The following PDE5A variants were observed in gnomAD, a reference collection of about 807,000 sequenced individuals.
PDE5A encodes the protein phosphodiesterase 5A.
A neutral mutation model predicts 110.2 loss-of-function variants in PDE5A; 67 were observed. The ratio of observed to expected loss-of-function variants is 0.61; its 90% confidence interval spans 0.50 to 0.75. The LOEUF (loss-of-function observed/expected upper bound fraction) is 0.75. PDE5A is among the 30% of genes least tolerant of loss of function. PDE5A has a pLI of 0.00. For synonymous variants in PDE5A, 328 were observed against 351.2 expected, an observed-to-expected ratio of 0.93 and a Z score of 0.74; for missense variants, 862 against 1,045.1, an observed-to-expected ratio of 0.82 and a Z score of 2.42.
At chr4:119,504,256 A>C (rs1032120203) in intron 18 of PDE5A, among the ~76,000 whole-genome samples, 1 of 152,046 alleles carries the variant, frequency 6.6e-6, no homozygotes, top group Non-Finnish European at 1.5e-5. Context: ...TCCAGCTCCA[A>C]TCATGTTGCT....
At chr4:119,553,563 T>G (rs1560612934) in intron 8 of PDE5A, 75 bp downstream of exon 8, 1 of 794,698 alleles carries the variant, frequency 1.3e-6, no homozygotes, top group Non-Finnish European at 2.3e-6. Context: ...AGTCCTTCAG[T>G]TCAAGAATAA....
rs766383291 is a variant in PDE5A, at chr4:119,606,825, C to T, written c.625G>A (p.Glu209Lys). The change falls in exon 2 of 21, where the codon GAA (glutamate) becomes AAA (lysine). Residue 209 changes from glutamate (E) to lysine (K), a missense_variant. By Grantham distance (56) the Glu-to-Lys change is moderately conservative. Transcript: ENST00000354960. ...GAAACTTCTTCCAGTGTTGAACCTT[C>T]AGCAACATCAAAGAGGCGGCTGATA... ...FLISRLFDVA[E>K]GSTLEEVSNN... 5 of 1,614,194 alleles carry T rather than the reference C, an allele frequency of 3.1e-6. No individual in the cohort carries two copies. Among genetic ancestry groups the T allele is most frequent in the Non-Finnish European group, 4.2e-6 (5 of 1,180,046 alleles).
intron 11 of PDE5A, among the ~76,000 whole-genome samples, chr4:119,533,303 C>T (rs1726610410): frequency 1.3e-5 from 2 of 152,146 alleles, no homozygotes; most frequent in African/African-American, 4.8e-5. Context: ...TCACAGGATA[C>T]TTCTTAATGG....
intron 9 of PDE5A, chr4:119,543,377 C>T (rs1560608821): frequency 6.6e-6 from 1 of 151,988 alleles, no homozygotes; most frequent in Non-Finnish European, 1.5e-5. Flanking sequence ...CCCAGCCTAC[C>T]TCTGTGTAAA....
chr4:119,620,604 C>T (rs2110564191), intron 1 of PDE5A, among the ~76,000 whole-genome samples: 1 of 152,238 alleles, frequency 6.6e-6, no homozygotes, highest in Admixed American at 6.5e-5. Context: ...TGAGAGCCCA[C>T]AGAATTCAAA....
intron 3 of PDE5A, 39 bp from the exon 4 acceptor site, chr4:119,567,183 CT>C (rs1383357456): frequency 7.1e-7 from 1 of 1,411,790 alleles, no homozygotes; most frequent in Non-Finnish European, 1.0e-6. Context: ...TTTTTATTGA[CT>C]GAAATTACTT....
intron 1 of PDE5A, among the ~76,000 whole-genome samples, chr4:119,626,919 AAAAACAAAAC>A (rs3839163): frequency 4.0e-5 from 6 of 151,182 alleles, no homozygotes; most frequent in South Asian, 2.1e-4. Flanking sequence ...TCCTTAGGAA[AAAAACAAAAC>A]AAAACAAAAC....
chr4:119,533,789 T>C (rs1268217474), intron 11 of PDE5A, among the ~76,000 whole-genome samples: 2 of 152,208 alleles, frequency 1.3e-5, no homozygotes, highest in East Asian at 1.9e-4. Flanking sequence ...GATTCTGATA[T>C]AATATGCATA....
At chr4:119,605,889 C>G (rs1729510928) in intron 2 of PDE5A, among the ~76,000 whole-genome samples, 1 of 152,170 alleles carries the variant, frequency 6.6e-6, no homozygotes, top group South Asian at 2.1e-4. Flanking sequence ...GCCAGAATTA[C>G]CACTGAATCT....
chr4:119,586,347 G>T (rs1241025382), intron 3 of PDE5A, among the ~76,000 whole-genome samples: 1 of 152,154 alleles, frequency 6.6e-6, no homozygotes, highest in African/African-American at 2.4e-5. Flanking sequence ...AGCAAGTGGA[G>T]ATTTAGCATA....
chr4:119,525,029 C>G lies in PDE5A; in HGVS notation c.1779+520G>C, dbSNP rs1726260905. Among the ~76,000 whole-genome samples, 1 of 152,064 alleles carries G rather than the reference C, an allele frequency of 6.6e-6. No individual in the cohort carries two copies. Among genetic ancestry groups the G allele is most frequent in the Non-Finnish European group, 1.5e-5 (1 of 68,018 alleles). Reference sequence around the variant, plus strand: ...CTCCCATCAGGCCCCTTTATTTCCTCCTTCATTTTCAAAGGAGTTCACTCT... The same window carrying G: ...CTCCCATCAGGCCCCTTTATTTCCTGCTTCATTTTCAAAGGAGTTCACTCT... On this transcript the variant is annotated intron_variant, in intron 12 of 20. Coordinates refer to ENST00000354960, the MANE Select transcript of PDE5A (RefSeq NM_001083.4). This position sits in a 1 kb window ranked among gnomAD's most constrained non-coding sequence, Gnocchi z 4.3.
chr4:119,590,062 T>C (rs911624434), intron 3 of PDE5A, among the ~76,000 whole-genome samples: 2 of 152,190 alleles, frequency 1.3e-5, no homozygotes, highest in South Asian at 4.1e-4. Flanking sequence ...TTCTCTCTAT[T>C]ATGACCCCTA....
At chr4:119,585,656 G>A (rs1478495180) in intron 3 of PDE5A, among the ~76,000 whole-genome samples, 1 of 152,146 alleles carries the variant, frequency 6.6e-6, no homozygotes, top group East Asian at 1.9e-4. Context: ...TGTCTGGTAG[G>A]TTAAAGTGTC....
chr4:119,512,172 A>T (rs1180592086), intron 14 of PDE5A, among the ~76,000 whole-genome samples: 1 of 152,144 alleles, frequency 6.6e-6, no homozygotes, highest in Non-Finnish European at 1.5e-5. Flanking sequence ...GGGGGAAAAA[A>T]TGGGTAAAGT....
At chr4:119,501,557 C>T (rs931178907) in intron 19 of PDE5A, among the ~76,000 whole-genome samples, 1 of 152,102 alleles carries the variant, frequency 6.6e-6, no homozygotes, top group Non-Finnish European at 1.5e-5. Flanking sequence ...CCTTGGCCTC[C>T]CAAAGTGCTG....
At chr4:119,568,320 G>A (rs1323562062) in intron 3 of PDE5A, among the ~76,000 whole-genome samples, 3 of 152,178 alleles carry the variant, frequency 2.0e-5, no homozygotes, top group Non-Finnish European at 4.4e-5. Context: ...TAAATTTCTA[G>A]TAAAATTCCT....
At chr4:119,625,775 G>A (rs1730325110) in intron 1 of PDE5A, among the ~76,000 whole-genome samples, 1 of 151,986 alleles carries the variant, frequency 6.6e-6, no homozygotes. Flanking sequence ...TATGCAATAA[G>A]TTTTTACCAC....
intron 11 of PDE5A, among the ~76,000 whole-genome samples, chr4:119,534,040 T>G (rs755156016): frequency 3.9e-5 from 6 of 152,262 alleles, no homozygotes; most frequent in Non-Finnish European, 7.4e-5. Flanking sequence ...CAGACAAGAT[T>G]AGCTTGTCAC....
chr4:119,627,115 T>C lies in PDE5A; in HGVS notation c.152+1405A>G, dbSNP rs1296122837. On this transcript the variant is annotated intron_variant, in intron 1 of 20. Transcript: ENST00000354960. The surrounding 1 kb of genome is among the most constrained non-coding windows in gnomAD (Gnocchi z 4.6). ...AGACCCGCCGCGCCCCCGGAAAAAG[T>C]GGGAAGGGACGTAGGGGGATGCTGA... is the stretch of plus-strand genomic sequence containing the variant. The C allele has an allele frequency of 5.0e-6, 8 of 1,607,312 alleles. No individual in the cohort carries two copies. Among genetic ancestry groups the C allele is most frequent in the Non-Finnish European group, 6.8e-6 (8 of 1,176,750 alleles).
Sources: gnomAD v4.1 joint callset for allele counts (sites outside exome capture counted in the v4.1 genomes callset) on GRCh38, gnomAD v4.1.1 for gene constraint, Gnocchi (gnomAD v3.1) non-coding constraint, MANE v1.5 for transcripts, NCBI Gene and HGNC (gene_info 2026-07-23, HGNC 2026-07-21) for gene names.